Variants in ZFPM2 observed in about 807,000 individuals in gnomAD.
The protein encoded by ZFPM2 is zinc finger protein, FOG family member 2, also known as zinc finger protein ZFPM2.
A neutral mutation model predicts 98.6 loss-of-function variants in ZFPM2; 20 were observed. The observed-to-expected ratio is 0.20, with a 90% confidence interval of 0.14 to 0.29. ZFPM2 has a LOEUF of 0.29. ZFPM2 is among the 10% of genes least tolerant of loss of function. The pLI is 1.00. For synonymous variants in ZFPM2, 518 were observed against 502.7 expected (o/e 1.03, Z -0.41); for missense variants, 1,310 against 1,388.6 (o/e 0.94, Z 0.90).
At chr8:105,373,400 T>C (rs1488761152) in intron 1 of ZFPM2, among the ~76,000 whole-genome samples, 1 of 152,212 alleles carries the variant, frequency 6.6e-6, no homozygotes, top group Non-Finnish European at 1.5e-5. Flanking sequence ...TCTTTCTCTC[T>C]ATTAAACTTC....
chr8:105,519,592 A>G (rs2130541120), intron 3 of ZFPM2, among the ~76,000 whole-genome samples: 1 of 152,236 alleles, frequency 6.6e-6, no homozygotes, highest in African/African-American at 2.4e-5. Context: ...TACATGTCAC[A>G]GACTGGAGAT....
intron 4 of ZFPM2, among the ~76,000 whole-genome samples, chr8:105,587,819 A>T (rs1310677404): frequency 2.6e-5 from 4 of 152,152 alleles, no homozygotes; most frequent in Non-Finnish European, 5.9e-5. Context: ...TAGGATGTCT[A>T]GTGTCATTTC....
At chr8:105,595,120 G>T (rs1282164725) in intron 4 of ZFPM2, among the ~76,000 whole-genome samples, 2 of 152,140 alleles carry the variant, frequency 1.3e-5, no homozygotes, top group African/African-American at 4.8e-5. Context: ...AGCAATTTGA[G>T]AGTAAAGAAA....
intron 5 of ZFPM2, among the ~76,000 whole-genome samples, chr8:105,654,586 T>A (rs574941419): frequency 6.6e-4 from 94 of 142,110 alleles, no homozygotes; most frequent in Middle Eastern, 3.5e-3. Context: ...TTTTTTTTTT[T>A]AAAAATGAAA....
At chr8:105,640,128 T>A (rs2130849576) in intron 5 of ZFPM2, among the ~76,000 whole-genome samples, 1 of 152,092 alleles carries the variant, frequency 6.6e-6, no homozygotes, top group Admixed American at 6.6e-5. Flanking sequence ...GATGAATAAA[T>A]TTAGGTTTCG....
chr8:105,680,182 T>G (rs1810569869), intron 5 of ZFPM2, among the ~76,000 whole-genome samples: 1 of 152,188 alleles, frequency 6.6e-6, no homozygotes, highest in Admixed American at 6.5e-5. Flanking sequence ...GCTTGAATAC[T>G]ACATTGTCTG....
intron 5 of ZFPM2, among the ~76,000 whole-genome samples, chr8:105,692,055 T>C (rs763097745): frequency 6.6e-5 from 10 of 152,242 alleles, no homozygotes; most frequent in Non-Finnish European, 1.0e-4. Flanking sequence ...GTCATGCTCT[T>C]TTAGAGTCTA....
At position 105,546,725 on chromosome 8, in the gene ZFPM2, T is replaced by C. The variant is rs571486057; in HGVS notation, c.302-14638T>C. 2.0e-5 allele frequency among the ~76,000 whole-genome samples: 3 copies of C among 152,240 alleles called. No individual in the cohort carries two copies. In the South Asian group the frequency reaches 6.2e-4, roughly 32 times the overall value. ...GGATCAGTTAGGAAATTAAATTGAT[T>C]CCACGGCAAGTAGCAACCAGTCGAA... On this transcript the variant is annotated intron_variant, in intron 3 of 7. Coordinates refer to ENST00000407775, the MANE Select transcript of ZFPM2 (RefSeq NM_012082.4).
intron 5 of ZFPM2, among the ~76,000 whole-genome samples, chr8:105,751,082 A>G (rs1812465251): frequency 6.6e-6 from 1 of 152,042 alleles, no homozygotes; most frequent in Non-Finnish European, 1.5e-5. Flanking sequence ...CCAGGTGTAA[A>G]TAGTAGGGAA....
At chr8:105,629,194 T>C (rs1816713398) in intron 4 of ZFPM2, among the ~76,000 whole-genome samples, 1 of 152,194 alleles carries the variant, frequency 6.6e-6, no homozygotes, top group Admixed American at 6.5e-5. Flanking sequence ...CCAGTGCTTG[T>C]TCACTCCAGT....
At chr8:105,569,341 A>C (rs1234728109) in intron 4 of ZFPM2, among the ~76,000 whole-genome samples, 2 of 152,278 alleles carry the variant, frequency 1.3e-5, no homozygotes, top group East Asian at 3.9e-4. Context: ...GAACAGCTGC[A>C]CACCCCTCCT....
chr8:105,692,572 G>C (rs538741287), intron 5 of ZFPM2, among the ~76,000 whole-genome samples: 1 of 152,262 alleles, frequency 6.6e-6, no homozygotes, highest in Admixed American at 6.5e-5. Flanking sequence ...GAAGAATGCA[G>C]AACATCTATT....
intron 1 of ZFPM2, among the ~76,000 whole-genome samples, chr8:105,385,418 C>T (rs1010575537): frequency 3.9e-5 from 6 of 152,152 alleles, no homozygotes; most frequent in Non-Finnish European, 8.8e-5. Context: ...TCTCATTTCT[C>T]TGTTTTCATT....
At chr8:105,604,884 G>T (rs2130789451) in intron 4 of ZFPM2, among the ~76,000 whole-genome samples, 1 of 152,072 alleles carries the variant, frequency 6.6e-6, no homozygotes, top group South Asian at 2.1e-4. Context: ...AAGTGGGTGA[G>T]TTCCACAAGG....
chr8:105,535,262 A>G (rs1206473558), intron 3 of ZFPM2, among the ~76,000 whole-genome samples: 2 of 152,178 alleles, frequency 1.3e-5, no homozygotes, highest in Non-Finnish European at 2.9e-5. Flanking sequence ...TAGCATACAT[A>G]CAGAACCACA....
In ZFPM2 at chr8:105,463,066, CATAG is replaced by C. The variant is rs561446703; in HGVS notation, c.301+18690_301+18693del. Among the ~76,000 whole-genome samples, 459 of 151,760 alleles carry C rather than the reference CATAG, an allele frequency of 3.0e-3. 1 individual carries two copies. Among genetic ancestry groups the C allele is most frequent in the Non-Finnish European group, 5.1e-3 (346 of 67,882 alleles). ...AATTATTAAAGCAGATAAAAGAAAACATAGATAGGAAAATGGCAGAGACAAGAAT... is the reference window on the plus strand; with the variant it reads ...AATTATTAAAGCAGATAAAAGAAAACATAGGAAAATGGCAGAGACAAGAAT... On this transcript the variant is annotated intron_variant, in intron 3 of 7. Transcript: ENST00000407775.
At chr8:105,628,818 C>T (rs1816706034) in intron 4 of ZFPM2, among the ~76,000 whole-genome samples, 2 of 152,202 alleles carry the variant, frequency 1.3e-5, no homozygotes, top group South Asian at 4.1e-4. Context: ...CCATTTTTCC[C>T]AGACCACCAG....
intron 3 of ZFPM2, among the ~76,000 whole-genome samples, chr8:105,465,028 G>C (rs548827707): frequency 6.6e-6 from 1 of 151,672 alleles, no homozygotes; most frequent in South Asian, 2.1e-4. Context: ...GTAGTTGTCA[G>C]TGGGAAATTC....
chr8:105,430,991 T>A (rs1229387246), intron 2 of ZFPM2, among the ~76,000 whole-genome samples: 2 of 151,300 alleles, frequency 1.3e-5, no homozygotes, highest in African/African-American at 4.9e-5. Context: ...GCAACCTCTG[T>A]CTCACGAGTT....
Sources: allele counts gnomAD v4.1 joint callset (sites outside exome capture counted in the v4.1 genomes callset), GRCh38; gene constraint gnomAD v4.1.1; transcripts MANE v1.5; gene names NCBI Gene and HGNC (gene_info 2026-07-23, HGNC 2026-07-21).